ATP2A1: variants seen among roughly 807,000 people sequenced by gnomAD.
ATP2A1 encodes the protein sarcoplasmic/endoplasmic reticulum calcium ATPase 1.
ATP2A1 carries 83 observed loss-of-function variants against 109.5 expected under a neutral mutation model. The observed-to-expected ratio is 0.76, with a 90% CI of 0.63 to 0.91. The LOEUF is 0.91. Among genes scored for constraint, ATP2A1 ranks in the 40% least tolerant of loss-of-function variants. The probability of loss-of-function intolerance (pLI) is 0.00; values close to 1 mark genes in which losing one functional copy is unlikely to be tolerated. For synonymous variants in ATP2A1, 505 were observed against 537.6 expected, an observed-to-expected ratio of 0.94 and a Z score of 0.84; for missense variants, 1,101 against 1,341.0, an observed-to-expected ratio of 0.82 and a Z score of 2.80.
chr16:28,880,291 CTG>C lies in ATP2A1; in HGVS notation c.220-623_220-622del, dbSNP rs1462873710. 6.6e-6 allele frequency among the ~76,000 whole-genome samples: 1 copy of C among 152,238 alleles called. No homozygotes were observed. The highest frequency in any genetic ancestry group is 1.5e-5 in the Non-Finnish European group (1 of 68,038). ...CAGCATGTGAGCCTCGCTGGGGACT[CTG>C]GAGGCAACGAAAGCCTCCCTGTGCC... On this transcript the variant is annotated intron_variant, in intron 3 of 22. Transcript: ENST00000395503. The surrounding 1 kb of genome is among the most constrained non-coding windows in gnomAD (Gnocchi z 4.2).
In ATP2A1 at chr16:28,880,903, C is replaced by G; in HGVS notation, c.220-12C>G. 1.2e-6 allele frequency: 2 copies of G among 1,612,546 alleles called. No individual in the cohort carries two copies. The highest frequency in any genetic ancestry group is 1.7e-6 in the Non-Finnish European group (2 of 1,178,504). On this transcript the variant is annotated splice_polypyrimidine_tract_variant and intron_variant, in intron 3 of 22. Coordinates refer to ENST00000395503, the MANE Select transcript of ATP2A1 (RefSeq NM_004320.6). The surrounding 1 kb of genome is among the most constrained non-coding windows in gnomAD (Gnocchi z 4.2). The stretch of plus-strand genomic sequence containing the variant: ...CTCATTACCTGTCATTCTCCTTTCC[C>G]CTGCTCCCCAGGTGCTGGCCTGGTT...
chr16:28,902,195 C>T lies in ATP2A1; in HGVS notation c.2333C>T (p.Thr778Ile), dbSNP rs1964095829. 6.2e-7 allele frequency: 1 copy of T among 1,614,120 alleles called. No individual in the cohort carries two copies. The highest frequency in any genetic ancestry group is 8.5e-7 in the Non-Finnish European group (1 of 1,179,976). Residue 778 changes from threonine (T) to isoleucine (I), a missense_variant, in exon 17 of 23, where the codon ACC becomes ATC. By Grantham distance (89) the Thr-to-Ile change is moderately conservative. Coordinates refer to ENST00000395503, the MANE Select transcript of ATP2A1 (RefSeq NM_004320.6). The surrounding 1 kb of genome is among the most constrained non-coding windows in gnomAD (Gnocchi z 4.8). ...CCTCCTTCCCACAGTATCTTCCTGA[C>T]CGCTGCCCTGGGGCTGCCTGAGGCC... ...NVGEVVCIFL[T>I]AALGLPEALI... is the part of the protein sequence containing the mutation.
rs749463179 is a variant in ATP2A1 at position 28,894,953 on chromosome 16, G to A, written c.1419G>A (p.Ser473=). 9.9e-6 allele frequency: 16 copies of A among 1,611,056 alleles called. No individual in the cohort carries two copies. Among genetic ancestry groups the A allele is most frequent in the Admixed American group, 5.0e-5 (3 of 59,996 alleles). The stretch of plus-strand genomic sequence containing the variant: ...TGGAGAGAGCCAACGCCTGCAACTC[G>A]GTGAGCCTGCGGAGCCCCTGCCACA... The part of the protein sequence containing the change: ...SKVERANACN[S]VIRQLMKKEF... Residue 473 remains serine (S), a splice_region_variant and synonymous_variant, in exon 12 of 23, where the codon TCG becomes TCA. Coordinates refer to ENST00000395503, the MANE Select transcript of ATP2A1 (RefSeq NM_004320.6).
chr16:28,887,797 C>A (rs1029403672), intron 8 of ATP2A1, 75 bp downstream of exon 8: 112 of 1,548,202 alleles, frequency 7.2e-5, no homozygotes, highest in South Asian at 9.1e-5. Context: ...CTTTTCTTTT[C>A]TTTTTTTCTT....
chr16:28,886,935 T>C (rs993010268), intron 6 of ATP2A1, among the ~76,000 whole-genome samples: 1 of 146,958 alleles, frequency 6.8e-6, no homozygotes, highest in African/African-American at 2.5e-5. Context: ...GAGGTTGCAG[T>C]GAGCTGAGAT....
intron 9 of ATP2A1, among the ~76,000 whole-genome samples, chr16:28,893,800 C>T (rs1480164282): frequency 6.6e-6 from 1 of 151,928 alleles, no homozygotes; most frequent in Non-Finnish European, 1.5e-5. Flanking sequence ...CAGGCGCGCA[C>T]CACCACACCT....
chr16:28,887,525 A>G lies in ATP2A1; in HGVS notation c.731A>G (p.Gln244Arg), dbSNP rs2152203905. ...KIRDQMAATEQDKTPLQQKLD... is the reference protein window; with the variant it reads ...KIRDQMAATERDKTPLQQKLD... ...CGAGACCAAATGGCTGCCACAGAACAGGACAAGACCCCCTTGCAGCAGAAG... is the reference window on the plus strand; with the variant it reads ...CGAGACCAAATGGCTGCCACAGAACGGGACAAGACCCCCTTGCAGCAGAAG... Residue 244 changes from glutamine (Q) to arginine (R), a missense_variant, in exon 8 of 23, where the codon CAG becomes CGG. Gln to Arg is a conservative substitution (Grantham distance 43). Coordinates refer to ENST00000395503, the MANE Select transcript of ATP2A1 (RefSeq NM_004320.6). 8 of 1,613,982 alleles carry G rather than the reference A, an allele frequency of 5.0e-6. No individual in the cohort carries two copies. The highest frequency in any genetic ancestry group is 2.2e-5 in the East Asian group (1 of 44,854).
In ATP2A1 at chr16:28,903,747, A is replaced by G; in HGVS notation, c.*37+6A>G. ...TCTCTGAGCCCGTGTCACAGGTATCACCCCCTTCTTGCCCTCAGCCCAGCT... is the reference window on the plus strand; with the variant it reads ...TCTCTGAGCCCGTGTCACAGGTATCGCCCCCTTCTTGCCCTCAGCCCAGCT... On this transcript the variant is annotated splice_donor_region_variant and intron_variant, in intron 22 of 22. Coordinates refer to ENST00000395503, the MANE Select transcript of ATP2A1 (RefSeq NM_004320.6). This position sits in a 1 kb window ranked among gnomAD's most constrained non-coding sequence, Gnocchi z 5.6. The G allele has an allele frequency of 2.5e-6, 4 of 1,611,572 alleles. No individual in the cohort carries two copies. The highest frequency in any genetic ancestry group is 3.4e-6 in the Non-Finnish European group (4 of 1,178,870).
chr16:28,897,495 A>G (rs1963949557), intron 12 of ATP2A1, among the ~76,000 whole-genome samples: 1 of 152,068 alleles, frequency 6.6e-6, no homozygotes, highest in Admixed American at 6.5e-5. Context: ...CTCTGTCTCT[A>G]AAGAAAAAAA....
chr16:28,891,930 G>A (rs563573430), intron 9 of ATP2A1, among the ~76,000 whole-genome samples: 25 of 151,940 alleles, frequency 1.6e-4, no homozygotes, highest in African/African-American at 5.8e-4. Context: ...AAAATACATA[G>A]GAAAGATACA....
At chr16:28,891,157 G>A (rs570360399) in intron 9 of ATP2A1, among the ~76,000 whole-genome samples, 12 of 152,000 alleles carry the variant, frequency 7.9e-5, no homozygotes, top group African/African-American at 2.4e-4. Context: ...TTAGTTGGGC[G>A]TGTTGGCAGA....
At chr16:28,881,431 G>A (rs925165099) in intron 4 of ATP2A1, 69 of 277,382 alleles carry the variant, frequency 2.5e-4, no homozygotes, top group African/African-American at 1.4e-3. Flanking sequence ...TTTGTTTTTA[G>A]GTCATTTCCA....
chr16:28,900,823 C>G lies in ATP2A1; in HGVS notation c.2007C>G (p.Ala669=). 6.2e-7 allele frequency: 1 copy of G among 1,614,210 alleles called. No individual in the cohort carries two copies. The highest frequency in any genetic ancestry group is 8.5e-7 in the Non-Finnish European group (1 of 1,180,052). The change falls in exon 15 of 23, where the codon GCC becomes GCG. Residue 669 remains alanine (A), a synonymous_variant. Transcript: ENST00000395503. The part of the protein sequence containing the change: ...DDLPLAEQRE[A]CRRACCFARV... Reference sequence around the variant, plus strand: ...TGCCCCTGGCTGAACAGCGGGAAGCCTGCCGACGTGCCTGCTGCTTCGCCC... The same window carrying G: ...TGCCCCTGGCTGAACAGCGGGAAGCGTGCCGACGTGCCTGCTGCTTCGCCC...
Position 28,902,140 on chromosome 16 carries a change from G to C in ATP2A1, c.2322-44G>C. ...CCGGGGTTAGGGTGGGGTGGCTGCA[G>C]GTCTGGGAGGCAGGACAGAGGTGTG... On this transcript the variant is annotated intron_variant, in intron 16 of 22. Coordinates refer to ENST00000395503, the MANE Select transcript of ATP2A1 (RefSeq NM_004320.6). This position sits in a 1 kb window ranked among gnomAD's most constrained non-coding sequence, Gnocchi z 4.8. The C allele has an allele frequency of 6.2e-7, 1 of 1,613,926 alleles. No homozygotes were observed.
Position 28,888,824 on chromosome 16 carries a change from T to C in ATP2A1, c.966T>C (p.Gly322=). ...PAVITTCLAL[G]TRRMAKKNAI... ...TCATCACCACCTGCCTGGCCCTGGG[T>C]ACCCGTCGGATGGCAAAGAAGAATG... Residue 322 remains glycine (G), a synonymous_variant, in exon 9 of 23, where the codon GGT becomes GGC. Coordinates refer to ENST00000395503, the MANE Select transcript of ATP2A1 (RefSeq NM_004320.6). 6.3e-7 allele frequency: 1 copy of C among 1,595,708 alleles called. No homozygotes were observed. The highest frequency in any genetic ancestry group is 8.5e-7 in the Non-Finnish European group (1 of 1,169,688).
chr16:28,884,608 T>A lies in ATP2A1; in HGVS notation c.497T>A (p.Leu166His). The A allele has an allele frequency of 1.2e-6, 2 of 1,613,822 alleles. No individual in the cohort carries two copies. The highest frequency in any genetic ancestry group is 1.7e-6 in the Non-Finnish European group (2 of 1,179,980). The part of the protein sequence containing the change: ...GDKVPADIRI[L>H]AIKSTTLRVD... ...AAAGTCCCTGCAGACATCCGAATCC[T>A]CGCCATCAAATCCACCACGCTGCGG... Residue 166 changes from leucine (L) to histidine (H), a missense_variant, in exon 6 of 23, where the codon CTC (leucine) becomes CAC (histidine). Physicochemically the swap from Leu to His is moderately conservative, Grantham distance 99. Coordinates refer to ENST00000395503, the MANE Select transcript of ATP2A1 (RefSeq NM_004320.6).
At position 28,903,107 on chromosome 16, in the gene ATP2A1, T is replaced by C; in HGVS notation, c.2822T>C (p.Met941Thr). 2 of 1,613,794 alleles carry C rather than the reference T, an allele frequency of 1.2e-6. No individual in the cohort carries two copies. The highest frequency in any genetic ancestry group is 1.7e-6 in the Non-Finnish European group (2 of 1,179,994). Reference protein sequence around the residue: ...IWLLGSICLSMSLHFLILYVD... With the variant: ...IWLLGSICLSTSLHFLILYVD... ...CTGCTGGGCTCCATCTGCCTCTCCATGTCCCTGCACTTCCTCATCCTCTAT... is the reference window on the plus strand; with the variant it reads ...CTGCTGGGCTCCATCTGCCTCTCCACGTCCCTGCACTTCCTCATCCTCTAT... The change falls in exon 20 of 23, where the codon ATG becomes ACG. Residue 941 changes from methionine (M) to threonine (T), a missense_variant. By Grantham distance (81) the Met-to-Thr change is moderately conservative (BLOSUM62 -1). Transcript: ENST00000395503. This position sits in a 1 kb window ranked among gnomAD's most constrained non-coding sequence, Gnocchi z 5.6.
rs752977502 is a variant in ATP2A1, at chr16:28,903,334, G to C, written c.2874G>C (p.Lys958Asn). Residue 958 changes from lysine to asparagine, a missense_variant, in exon 21 of 23, where the codon AAG (lysine) becomes AAC (asparagine). Lys to Asn is a moderately conservative substitution (Grantham distance 94). Coordinates refer to ENST00000395503, the MANE Select transcript of ATP2A1 (RefSeq NM_004320.6). The surrounding 1 kb of genome is among the most constrained non-coding windows in gnomAD (Gnocchi z 5.6). Reference sequence around the variant, plus strand: ...GTCCCCTGCCCCAGATGATCTTCAAGCTCCGGGCCCTGGACCTCACCCAGT... The same window carrying C: ...GTCCCCTGCCCCAGATGATCTTCAACCTCCGGGCCCTGGACCTCACCCAGT... ...LYVDPLPMIFKLRALDLTQWL... is the reference protein window; with the variant it reads ...LYVDPLPMIFNLRALDLTQWL... The C allele has an allele frequency of 1.2e-6, 2 of 1,613,860 alleles. No homozygotes were observed. The highest frequency in any genetic ancestry group is 4.5e-5 in the East Asian group (2 of 44,826).
chr16:28,903,403 C>A lies in ATP2A1; in HGVS notation c.2943C>A (p.Asp981Glu), dbSNP rs146599017. 1 of 1,613,996 alleles carries A rather than the reference C, an allele frequency of 6.2e-7. No homozygotes were observed. The highest frequency in any genetic ancestry group is 8.5e-7 in the Non-Finnish European group (1 of 1,179,960). The change falls in exon 21 of 23, where the codon GAC becomes GAA. Residue 981 changes from aspartate to glutamate, a missense_variant. Transcript: ENST00000395503. This position sits in a 1 kb window ranked among gnomAD's most constrained non-coding sequence, Gnocchi z 5.6. ...LKISLPVIGLDEILKFVARNY... is the reference protein window; with the variant it reads ...LKISLPVIGLEEILKFVARNY... ...TCTCACTGCCAGTCATTGGGCTCGA[C>A]GAAATCCTCAAGTTCGTTGCTCGGA...
Sources: gnomAD v4.1 joint callset for allele counts (sites outside exome capture counted in the v4.1 genomes callset) on GRCh38, gnomAD v4.1.1 for gene constraint, Gnocchi (gnomAD v3.1) non-coding constraint, MANE v1.5 for transcripts, NCBI Gene and HGNC (gene_info 2026-07-23, HGNC 2026-07-21) for gene names.